PDE4B: variants seen among roughly 807,000 people sequenced by gnomAD.
PDE4B encodes 3',5'-cyclic-AMP phosphodiesterase 4B.
PDE4B carries 20 observed loss-of-function variants against 82.2 expected under a neutral mutation model. The observed-to-expected ratio is 0.24, with a 90% CI of 0.17 to 0.35. The LOEUF (loss-of-function observed/expected upper bound fraction) is 0.35. PDE4B is among the 10% of genes least tolerant of loss of function. The pLI is 1.00. For synonymous variants in PDE4B, 320 were observed against 318.9 expected (o/e 1.00, Z -0.04); for missense variants, 655 against 907.2 (o/e 0.72, Z 3.57).
At chr1:66,146,827 G>A (rs985361049) in intron 3 of PDE4B, among the ~76,000 whole-genome samples, 2 of 152,140 alleles carry the variant, frequency 1.3e-5, no homozygotes, top group Non-Finnish European at 1.5e-5. Context: ...TACCGTAGAG[G>A]AAAATTAGTG....
At chr1:66,064,281 T>C (rs975385466) in intron 3 of PDE4B, among the ~76,000 whole-genome samples, 1 of 151,774 alleles carries the variant, frequency 6.6e-6, no homozygotes, top group Non-Finnish European at 1.5e-5. Flanking sequence ...GCCAAGAAGC[T>C]AATGACAGTG....
intron 3 of PDE4B, among the ~76,000 whole-genome samples, chr1:66,039,001 G>A (rs1654213717): frequency 6.6e-6 from 1 of 151,846 alleles, no homozygotes; most frequent in African/African-American, 2.4e-5. Context: ...GAGTTTTATT[G>A]CAACTCCCCC....
At chr1:66,096,954 T>A (rs1041450724) in intron 3 of PDE4B, among the ~76,000 whole-genome samples, 1 of 152,022 alleles carries the variant, frequency 6.6e-6, no homozygotes, top group South Asian at 2.1e-4. Context: ...TCCTTTATTG[T>A]TGAGTGGTAT....
At chr1:66,335,924 A>T (rs1660479486) in intron 8 of PDE4B, among the ~76,000 whole-genome samples, 1 of 152,228 alleles carries the variant, frequency 6.6e-6, no homozygotes, top group East Asian at 1.9e-4. Flanking sequence ...GAATTGTCTT[A>T]CACTTCAGCA....
At chr1:66,101,504 A>C (rs1645223596) in intron 3 of PDE4B, among the ~76,000 whole-genome samples, 1 of 152,138 alleles carries the variant, frequency 6.6e-6, no homozygotes, top group Non-Finnish European at 1.5e-5. Context: ...TTGTTTCCTG[A>C]CTTTTTAATG....
intron 1 of PDE4B, among the ~76,000 whole-genome samples, chr1:65,829,548 G>T (rs947147308): frequency 5.9e-5 from 9 of 152,134 alleles, no homozygotes; most frequent in African/African-American, 1.9e-4. Flanking sequence ...TATATTCTGG[G>T]CCATAAAACA....
chr1:66,071,664 C>G (rs1656161496), intron 3 of PDE4B, among the ~76,000 whole-genome samples: 2 of 152,028 alleles, frequency 1.3e-5, no homozygotes, highest in Admixed American at 1.3e-4. Context: ...TCTTTGGCAT[C>G]CAGAGTTCAG....
At chr1:66,041,453 C>T (rs1415565679) in intron 3 of PDE4B, among the ~76,000 whole-genome samples, 2 of 151,870 alleles carry the variant, frequency 1.3e-5, no homozygotes, top group African/African-American at 4.8e-5. Context: ...GACCTCTCTC[C>T]TTCTTTCTCT....
At chr1:65,875,063 C>A (rs1646622975) in intron 1 of PDE4B, among the ~76,000 whole-genome samples, 1 of 150,914 alleles carries the variant, frequency 6.6e-6, no homozygotes, top group Admixed American at 6.6e-5. Context: ...TGACAAAGGG[C>A]TAATATCCAG....
At chr1:66,306,896 T>C (rs754616877) in intron 7 of PDE4B, among the ~76,000 whole-genome samples, 2 of 152,122 alleles carry the variant, frequency 1.3e-5, no homozygotes, top group Non-Finnish European at 2.9e-5. Flanking sequence ...CAGTGATCAG[T>C]TGGAAATACA....
chr1:65,914,455 C>T (rs1647133430), intron 2 of PDE4B, among the ~76,000 whole-genome samples: 1 of 70,478 alleles, frequency 1.4e-5, no homozygotes, highest in African/African-American at 4.2e-5. Context: ...GCAGCATTTA[C>T]TTCTTCTTCT....
At chr1:66,038,142 G>T (rs960716419) in intron 3 of PDE4B, among the ~76,000 whole-genome samples, 1 of 152,068 alleles carries the variant, frequency 6.6e-6, no homozygotes, top group African/African-American at 2.4e-5. Flanking sequence ...TGTGCAGGGG[G>T]TAGGATTCAT....
At chr1:66,019,335 A>G (rs1190062058) in intron 3 of PDE4B, among the ~76,000 whole-genome samples, 1 of 150,222 alleles carries the variant, frequency 6.7e-6, no homozygotes, top group Non-Finnish European at 1.5e-5. Flanking sequence ...TATTATTTAG[A>G]AAATTATTAT....
At chr1:66,051,182 A>G (rs1655006985) in intron 3 of PDE4B, among the ~76,000 whole-genome samples, 1 of 152,110 alleles carries the variant, frequency 6.6e-6, no homozygotes, top group African/African-American at 2.4e-5. Context: ...CGTTGTGCAC[A>G]TGTACCCTAA....
At position 65,957,366 on chromosome 1, in the gene PDE4B, C is replaced by A. The variant is rs183799690; in HGVS notation, c.281+38531C>A. 1.6e-3 allele frequency among the ~76,000 whole-genome samples: 247 copies of A among 152,156 alleles called. 2 individuals are homozygous for A. The highest frequency in any genetic ancestry group is 3.0e-3 in the Non-Finnish European group (204 of 67,986). ...ATCTTTCTCTCAGTAATTTCCAATGCCATGTCTGTTACACAGCAAGCTATC... is the reference window on the plus strand; with the variant it reads ...ATCTTTCTCTCAGTAATTTCCAATGACATGTCTGTTACACAGCAAGCTATC... On this transcript the variant is annotated intron_variant, in intron 3 of 16. Transcript: ENST00000341517.
intron 3 of PDE4B, among the ~76,000 whole-genome samples, chr1:65,963,283 A>G (rs2186125): frequency 0.058 from 8,845 of 152,244 alleles, 311 homozygotes; most frequent in Middle Eastern, 0.18. Context: ...CTGCGACTGC[A>G]GGCAGTGGGA....
At chr1:65,849,924 G>C (rs1341120652) in intron 1 of PDE4B, among the ~76,000 whole-genome samples, 3 of 152,028 alleles carry the variant, frequency 2.0e-5, no homozygotes, top group African/African-American at 7.2e-5. Flanking sequence ...CAATAAATTG[G>C]TAACTGACAC....
intron 3 of PDE4B, among the ~76,000 whole-genome samples, chr1:66,085,231 T>C (rs1329347547): frequency 1.3e-5 from 2 of 152,160 alleles, no homozygotes; most frequent in Non-Finnish European, 2.9e-5. Flanking sequence ...GCTTCTGATG[T>C]AGACTAAAAT....
At chr1:65,926,111 AG>A (rs1647485208) in intron 3 of PDE4B, among the ~76,000 whole-genome samples, 1 of 152,166 alleles carries the variant, frequency 6.6e-6, no homozygotes, top group Admixed American at 6.5e-5. Flanking sequence ...TTGACCCTCA[AG>A]GACATCAGAC....
Sources: gnomAD v4.1 joint callset for allele counts (sites outside exome capture counted in the v4.1 genomes callset) on GRCh38, gnomAD v4.1.1 for gene constraint, MANE v1.5 for transcripts, NCBI Gene and HGNC (gene_info 2026-07-23, HGNC 2026-07-21) for gene names.